The following AKR1C3 variants were observed in gnomAD, a reference collection of about 807,000 sequenced individuals.
AKR1C3 encodes the protein 3-alpha hydroxysteroid dehydrogenase, type II.
AKR1C3 carries 48 observed loss-of-function variants against 43.6 expected under a neutral mutation model. That is an observed-to-expected ratio of 1.10 (90% CI 0.87 to 1.40). AKR1C3 has a LOEUF of 1.40. Among genes scored for constraint, AKR1C3 ranks in the 40% most tolerant of loss-of-function variants. The pLI is 0.00. For missense variants in AKR1C3, 482 were observed against 391.2 expected, an observed-to-expected ratio of 1.23 and a Z score of -1.96; for synonymous variants, 162 against 139.6, an observed-to-expected ratio of 1.16 and a Z score of -1.13.
At chr10:5,052,041 G>A (rs1838163962) in intron 1 of AKR1C3, among the ~76,000 whole-genome samples, 1 of 152,122 alleles carries the variant, frequency 6.6e-6, no homozygotes, top group South Asian at 2.1e-4. Context: ...GTGGACCCTC[G>A]CAGTGTTACA....
rs187316892 is a variant in AKR1C3, at chr10:5,059,710, A to G, written c.84+10815A>G. On this transcript the variant is annotated intron_variant, in intron 1 of 8. Transcript: ENST00000439082. ...GAAAAGTAGGACAGAATAGCAAGCA[A>G]AAGGGGTCTGATGGTACTCAGTGCT... 3.0e-4 allele frequency among the ~76,000 whole-genome samples: 45 copies of G among 152,218 alleles called. No individual in the cohort carries two copies. In the East Asian group the frequency reaches 7.4e-3, roughly 25 times the overall value.
At chr10:5,084,496 G>C (rs1189803571) in intron 1 of AKR1C3, among the ~76,000 whole-genome samples, 2 of 151,990 alleles carry the variant, frequency 1.3e-5, no homozygotes, top group Non-Finnish European at 2.9e-5. Flanking sequence ...AGTATAGTTT[G>C]AAGTCAGGTA....
chr10:5,096,153 A>T (rs1839201917), intron 1 of AKR1C3: 1 of 352,216 alleles, frequency 2.8e-6, no homozygotes, highest in Middle Eastern at 7.8e-4. Flanking sequence ...AACTTTTCCA[A>T]CAAATCACTG....
chr10:5,096,400 G>A lies in AKR1C3; in HGVS notation c.85-10G>A, dbSNP rs1554785119. On this transcript the variant is annotated splice_polypyrimidine_tract_variant and intron_variant, in intron 1 of 8. Transcript: ENST00000380554. ...TGATCACCAGATACTACCTTTGGTTGCTCCTCCAGGTTCCGAGAAGTAAAG... is the reference window on the plus strand; with the variant it reads ...TGATCACCAGATACTACCTTTGGTTACTCCTCCAGGTTCCGAGAAGTAAAG... 4 of 1,611,566 alleles carry A rather than the reference G, an allele frequency of 2.5e-6. No individual in the cohort carries two copies. In the Admixed American group the frequency reaches 6.7e-5, roughly 27 times the overall value.
intron 1 of AKR1C3, among the ~76,000 whole-genome samples, chr10:5,054,992 T>C (rs1304131540): frequency 6.6e-6 from 1 of 152,262 alleles, no homozygotes; most frequent in African/African-American, 2.4e-5. Context: ...GGAACTCCCT[T>C]TCTTTCCACA....
chr10:5,074,967 C>A (rs1310978725), intron 1 of AKR1C3, among the ~76,000 whole-genome samples: 2 of 152,126 alleles, frequency 1.3e-5, no homozygotes, highest in East Asian at 3.9e-4. Flanking sequence ...TTCTCAATAT[C>A]CCGCCCTTTC....
intron 1 of AKR1C3, among the ~76,000 whole-genome samples, chr10:5,059,359 C>A (rs1047914098): frequency 1.3e-5 from 2 of 152,126 alleles, no homozygotes; most frequent in East Asian, 1.9e-4. Flanking sequence ...ACCCAGGGGG[C>A]AAGGGTCAGG....
At chr10:5,059,990 G>T (rs1401858024) in intron 1 of AKR1C3, among the ~76,000 whole-genome samples, 1 of 152,154 alleles carries the variant, frequency 6.6e-6, no homozygotes, top group Non-Finnish European at 1.5e-5. Flanking sequence ...ATTCCTTCTG[G>T]TGGGTGCATG....
At chr10:5,087,024 A>G (rs185564852) in intron 1 of AKR1C3, among the ~76,000 whole-genome samples, 19 of 152,222 alleles carry the variant, frequency 1.2e-4, no homozygotes, top group Middle Eastern at 3.4e-3. Flanking sequence ...TCTTTATCCA[A>G]TTTGCCAGTC....
chr10:5,095,785 T>C (rs1839192103), intron 1 of AKR1C3, among the ~76,000 whole-genome samples: 1 of 152,092 alleles, frequency 6.6e-6, no homozygotes, highest in African/African-American at 2.4e-5. Context: ...CAAATCGATA[T>C]CCTCAGAGTA....
intron 1 of AKR1C3, among the ~76,000 whole-genome samples, chr10:5,071,828 CT>C (rs1838616958): frequency 6.6e-6 from 1 of 152,214 alleles, no homozygotes; most frequent in Non-Finnish European, 1.5e-5. Flanking sequence ...CCCCTTCCTA[CT>C]TTTTGTAATT....
At chr10:5,102,778 G>A (rs1277112820) in intron 7 of AKR1C3, 128 bp downstream of exon 7, 19 of 1,491,512 alleles carry the variant, frequency 1.3e-5, no homozygotes, top group South Asian at 6.8e-5. Context: ...AATGCTTTGC[G>A]TGCATCCTGA....
chr10:5,081,492 A>G (rs1554782351), intron 1 of AKR1C3, among the ~76,000 whole-genome samples: 2 of 152,214 alleles, frequency 1.3e-5, no homozygotes, highest in African/African-American at 4.8e-5. Flanking sequence ...TCTCTGAAAA[A>G]CAATCATTGT....
chr10:5,066,982 C>T (rs1324752671), intron 1 of AKR1C3, among the ~76,000 whole-genome samples: 2 of 152,154 alleles, frequency 1.3e-5, no homozygotes, highest in Non-Finnish European at 2.9e-5. Flanking sequence ...GAGTGAAGGC[C>T]TCCTGGCAAT....
intron 1 of AKR1C3, among the ~76,000 whole-genome samples, chr10:5,059,102 G>A (rs1201703622): frequency 2.0e-5 from 3 of 152,152 alleles, no homozygotes; most frequent in Non-Finnish European, 2.9e-5. Flanking sequence ...AATAGCTTTT[G>A]TTAGGCCTGT....
rs115379932 is a variant in AKR1C3, at chr10:5,074,856, C to T, written c.85-21554C>T. 3.8e-3 allele frequency among the ~76,000 whole-genome samples: 581 copies of T among 152,240 alleles called. 6 individuals are homozygous for T. The highest frequency in any genetic ancestry group is 0.013 in the African/African-American group (553 of 41,556). ...CACCCCACAGACACAAATGCATTTC[C>T]GATTGTTCACCTACCCCATTTTGTC... On this transcript the variant is annotated intron_variant, in intron 1 of 8. Coordinates refer to the AKR1C3 transcript ENST00000439082.
At chr10:5,048,877 C>G (rs1486011614) in exon 1 of AKR1C3, 1 of 1,613,610 alleles carries the variant, frequency 6.2e-7, no homozygotes, top group Admixed American at 1.7e-5. Context: ...TGGGATTTGG[C>G]ACCTATGCAC....
intron 1 of AKR1C3, among the ~76,000 whole-genome samples, chr10:5,050,044 T>G (rs5016523): frequency 1.3e-5 from 2 of 151,492 alleles, no homozygotes; most frequent in Non-Finnish European, 2.9e-5. Context: ...TTTCCAAAAT[T>G]TGTGCTTATA....
rs921637865 is a variant in AKR1C3 at position 5,079,672 on chromosome 10, G to A, written c.85-16738G>A. Among the ~76,000 whole-genome samples, 39 of 152,048 alleles carry A rather than the reference G, an allele frequency of 2.6e-4. 1 individual carries two copies. The highest frequency in any genetic ancestry group is 9.2e-4 in the African/African-American group (38 of 41,460). On this transcript the variant is annotated intron_variant, in intron 1 of 8. Coordinates refer to the AKR1C3 transcript ENST00000439082. ...TCACATCTGTGTGGGGACAGCCTTG[G>A]CTCACCAAGCATACCTCTCTCTCTC...
Sources: gnomAD v4.1 joint callset for allele counts (sites outside exome capture counted in the v4.1 genomes callset) on GRCh38, gnomAD v4.1.1 for gene constraint, MANE v1.5 for transcripts, NCBI Gene and HGNC (gene_info 2026-07-23, HGNC 2026-07-21) for gene names.